The following NAPG variants were observed in gnomAD, a reference collection of about 807,000 sequenced individuals.
NAPG encodes the protein gamma-soluble NSF attachment protein.
In NAPG, 25 loss-of-function variants were observed where a neutral mutation model predicts 48.4. That is an observed-to-expected ratio of 0.52 (90% CI 0.38 to 0.72). NAPG has a LOEUF of 0.72. NAPG is among the 30% of genes least tolerant of loss of function. The pLI is 0.00. For missense variants in NAPG, 359 were observed against 372.5 expected (o/e 0.96, Z 0.30); for synonymous variants, 139 against 127.2 (o/e 1.09, Z -0.62).
rs372367722 is a variant in NAPG, at chr18:10,550,468, A to G, written c.*248A>G. 5.5e-4 allele frequency: 192 copies of G among 350,714 alleles called. No homozygotes were observed. In the South Asian group the frequency reaches 7.3e-3, roughly 13 times the overall value. 21.7% of individuals were successfully genotyped at this position (350,714 alleles called of 1,614,324 possible). A position where few individuals can be genotyped will look rare whatever the true frequency, so the allele number is the denominator to read the frequency against. ...AGGAATTAACAGAAAATGTACTGTC[A>G]TGTTTTAATACATTGATTAAAAAAT... On this transcript the variant is annotated 3_prime_UTR_variant, in exon 12 of 12. Transcript: ENST00000322897.
chr18:10,550,469 T>C lies in NAPG; in HGVS notation c.*249T>C, dbSNP rs1412402291. 2 of 350,254 alleles carry C rather than the reference T, an allele frequency of 5.7e-6. No homozygotes were observed. The highest frequency in any genetic ancestry group is 5.1e-6 in the Non-Finnish European group (1 of 196,930). 21.7% of individuals were successfully genotyped at this position (350,254 alleles called of 1,614,324 possible). On this transcript the variant is annotated 3_prime_UTR_variant, in exon 12 of 12. Transcript: ENST00000322897. ...GGAATTAACAGAAAATGTACTGTCA[T>C]GTTTTAATACATTGATTAAAAAATT...
intron 1 of NAPG, among the ~76,000 whole-genome samples, chr18:10,527,010 A>G (rs2031829018): frequency 6.6e-6 from 1 of 151,926 alleles, no homozygotes; most frequent in Admixed American, 6.6e-5. Flanking sequence ...TAACACGGTG[A>G]AAACCGTCTC....
chr18:10,543,691 A>G lies in NAPG; in HGVS notation c.507-2635A>G, dbSNP rs928916972. Among the ~76,000 whole-genome samples the G allele has an allele frequency of 4.3e-4, 66 of 152,180 alleles. No homozygotes were observed. The highest frequency in any genetic ancestry group is 1.5e-3 in the African/African-American group (64 of 41,440). On this transcript the variant is annotated intron_variant, in intron 8 of 11. Transcript: ENST00000322897. The surrounding 1 kb of genome is among the most constrained non-coding windows in gnomAD (Gnocchi z 4.4). ...ACTTCTGTGGGGTTTCAATTTTGTT[A>G]CATTTGGGGAAGATAAAAACAATTT...
rs944839560 is a variant in NAPG at position 10,551,770 on chromosome 18, T to A, written c.*1550T>A. 1.3e-5 allele frequency: 2 copies of A among 152,192 alleles called. No homozygotes were observed. The highest frequency in any genetic ancestry group is 4.8e-5 in the African/African-American group (2 of 41,440). The allele number at this position is 152,192 out of a possible 1,614,324, so 9.4% of individuals were successfully genotyped here. The stretch of plus-strand genomic sequence containing the variant: ...GGGAGAGCTTAGAATAACATCCTCC[T>A]TTGGGAGGTGGTCTCGGGTGCGTGG... On this transcript the variant is annotated 3_prime_UTR_variant, in exon 12 of 12. Transcript: ENST00000322897.
At position 10,552,303 on chromosome 18, in the gene NAPG, G is replaced by A. The variant is rs776888817; in HGVS notation, c.*2083G>A. On this transcript the variant is annotated 3_prime_UTR_variant, in exon 12 of 12. Coordinates refer to ENST00000322897, the MANE Select transcript of NAPG (RefSeq NM_003826.3). The stretch of plus-strand genomic sequence containing the variant: ...AGCCTCCTTCACCCTTCCTGCCCAC[G>A]GTGAGGATTGAATAACCAGGACTTG... 1.3e-5 allele frequency: 2 copies of A among 152,198 alleles called. No individual in the cohort carries two copies. The highest frequency in any genetic ancestry group is 2.4e-5 in the African/African-American group (1 of 41,444). The allele number at this position is 152,198 out of a possible 1,614,324, so 9.4% of individuals were successfully genotyped here.
chr18:10,533,042 T>C (rs561650225), intron 3 of NAPG: 1 of 390,462 alleles, frequency 2.6e-6, no homozygotes, highest in East Asian at 4.2e-5. Context: ...TTGATGATGG[T>C]TTTACTTGGG....
At chr18:10,549,751 A>C (rs189832574) in intron 11 of NAPG, among the ~76,000 whole-genome samples, 9 of 152,280 alleles carry the variant, frequency 5.9e-5, no homozygotes, top group Non-Finnish European at 1.0e-4. Flanking sequence ...TATCAGATCA[A>C]CTTAAGGCCT....
chr18:10,533,789 G>A (rs1442083907), intron 4 of NAPG, among the ~76,000 whole-genome samples: 2 of 134,510 alleles, frequency 1.5e-5, no homozygotes, highest in Admixed American at 1.5e-4. Context: ...ATTTTGTTCA[G>A]TAGCCTATGG....
At chr18:10,547,478 A>G (rs989891148) in intron 9 of NAPG, among the ~76,000 whole-genome samples, 7 of 152,238 alleles carry the variant, frequency 4.6e-5, no homozygotes, top group East Asian at 1.9e-4. Flanking sequence ...TGAAGCAACT[A>G]TAAGTTGCTC....
intron 11 of NAPG, among the ~76,000 whole-genome samples, chr18:10,549,818 C>T (rs902324755): frequency 1.3e-4 from 19 of 151,806 alleles, no homozygotes; most frequent in Non-Finnish European, 2.4e-4. Context: ...TAACGTCTTA[C>T]ATAGGTTTTG....
chr18:10,548,395 G>C lies in NAPG; in HGVS notation c.665+17G>C. 6.2e-7 allele frequency: 1 copy of C among 1,604,504 alleles called. No homozygotes were observed. The highest frequency in any genetic ancestry group is 8.5e-7 in the Non-Finnish European group (1 of 1,171,570). ...GAGCTATAGGTAAGACGTTGTCTGG[G>C]CCCTCTTGACTTGCAGTGGCGACAC... On this transcript the variant is annotated intron_variant, in intron 10 of 11. Coordinates refer to ENST00000322897, the MANE Select transcript of NAPG (RefSeq NM_003826.3). The surrounding 1 kb of genome is among the most constrained non-coding windows in gnomAD (Gnocchi z 4.4).
Position 10,532,693 on chromosome 18 carries a change from T to C in NAPG, c.125-18T>C. 1 of 1,517,490 alleles carries C rather than the reference T, an allele frequency of 6.6e-7. No homozygotes were observed. The highest frequency in any genetic ancestry group is 2.4e-5 in the East Asian group (1 of 41,288). 94.0% of individuals were successfully genotyped at this position (1,517,490 alleles called of 1,614,324 possible). A position where few individuals can be genotyped will look rare whatever the true frequency, so the allele number is the denominator to read the frequency against. On this transcript the variant is annotated intron_variant, in intron 2 of 11. Transcript: ENST00000322897. ...GGTTTTTAATGATGGAAATAGTCAA[T>C]TTTTTTTTCTATTTCAGCTGTTGCT...
chr18:10,531,688 G>A (rs1036526283), intron 2 of NAPG, among the ~76,000 whole-genome samples: 1 of 152,208 alleles, frequency 6.6e-6, no homozygotes, highest in African/African-American at 2.4e-5. Flanking sequence ...TTCAAACTTT[G>A]TATGAATTTT....
rs989432785 is a variant in NAPG at position 10,542,502 on chromosome 18, A to G, written c.506+2103A>G. Among the ~76,000 whole-genome samples the G allele has an allele frequency of 6.6e-6, 1 of 152,102 alleles. No homozygotes were observed. The highest frequency in any genetic ancestry group is 1.5e-5 in the Non-Finnish European group (1 of 68,030). ...CAGTGTTTATAGTGATGGAGACATT[A>G]TTGAGATGATTTATGTGATAATTGA... is the stretch of plus-strand genomic sequence containing the variant. On this transcript the variant is annotated intron_variant, in intron 8 of 11. Coordinates refer to ENST00000322897, the MANE Select transcript of NAPG (RefSeq NM_003826.3). This position sits in a 1 kb window ranked among gnomAD's most constrained non-coding sequence, Gnocchi z 4.5.
At position 10,530,163 on chromosome 18, in the gene NAPG, C is replaced by T. The variant is rs1245010499; in HGVS notation, c.57-607C>T. Among the ~76,000 whole-genome samples the T allele has an allele frequency of 3.1e-5, 3 of 98,304 alleles. No individual in the cohort carries two copies. In the East Asian group the frequency reaches 8.6e-4, roughly 28 times the overall value. 64.5% of individuals were successfully genotyped at this position (98,304 alleles called of 152,430 possible). A position where few individuals can be genotyped will look rare whatever the true frequency, so the allele number is the denominator to read the frequency against. ...TATCCTTCCCTTTCTGATTATCCTTCTTGTTTATGGGTGGCGAGTTTTCAC... is the reference window on the plus strand; with the variant it reads ...TATCCTTCCCTTTCTGATTATCCTTTTTGTTTATGGGTGGCGAGTTTTCAC... On this transcript the variant is annotated intron_variant, in intron 1 of 11. Coordinates refer to ENST00000322897, the MANE Select transcript of NAPG (RefSeq NM_003826.3).
Position 10,543,960 on chromosome 18 carries a change from T to C in NAPG, c.507-2366T>C, listed in dbSNP as rs73392643. Among the ~76,000 whole-genome samples, 2,863 of 152,292 alleles carry C rather than the reference T, an allele frequency of 0.019. 90 individuals are homozygous for C. Among genetic ancestry groups the C allele is most frequent in the African/African-American group, 0.064 (2,642 of 41,560 alleles). On this transcript the variant is annotated intron_variant, in intron 8 of 11. Coordinates refer to ENST00000322897, the MANE Select transcript of NAPG (RefSeq NM_003826.3). The surrounding 1 kb of genome is among the most constrained non-coding windows in gnomAD (Gnocchi z 4.4). ...TGTTAGGTAACTATATATTAGCACATAGAAATGCTAATATTATGTCAAGGA... is the reference window on the plus strand; with the variant it reads ...TGTTAGGTAACTATATATTAGCACACAGAAATGCTAATATTATGTCAAGGA...
intron 5 of NAPG, among the ~76,000 whole-genome samples, chr18:10,537,048 C>G (rs1598410501): frequency 6.6e-6 from 1 of 151,950 alleles, no homozygotes; most frequent in Non-Finnish European, 1.5e-5. Flanking sequence ...CCTCAACCTC[C>G]TGGGCTCAGG....
At chr18:10,526,238 G>GCCCTGCCCCC in intron 1 of NAPG, 80 bp downstream of exon 1, 1 of 858,072 alleles carries the variant, frequency 1.2e-6, no homozygotes, top group Non-Finnish European at 1.9e-6. Flanking sequence ...CCCGGGGGGG[G>GCCCTGCCCCC]CGGGAGGGAG....
rs148594009 is a variant in NAPG, at chr18:10,542,172, G to C, written c.506+1773G>C. ...AGAAGTGAGAATGCTGCGTAGATGT[G>C]CTCAAAGGGCACATTTATAAATCCA... is the stretch of plus-strand genomic sequence containing the variant. On this transcript the variant is annotated intron_variant, in intron 8 of 11. Transcript: ENST00000322897. The surrounding 1 kb of genome is among the most constrained non-coding windows in gnomAD (Gnocchi z 4.5). Among the ~76,000 whole-genome samples, 1 of 151,898 alleles carries C rather than the reference G, an allele frequency of 6.6e-6. No individual in the cohort carries two copies. The highest frequency in any genetic ancestry group is 1.9e-4 in the East Asian group (1 of 5,178).
Sources: allele counts gnomAD v4.1 joint callset (sites outside exome capture counted in the v4.1 genomes callset), GRCh38; gene constraint gnomAD v4.1.1; non-coding constraint Gnocchi (gnomAD v3.1); transcripts MANE v1.5; gene names NCBI Gene and HGNC (gene_info 2026-07-23, HGNC 2026-07-21).